Variants in LYPD6B observed in about 807,000 individuals in gnomAD.
LYPD6B encodes the protein LY6/PLAUR domain containing 6B, also known as ly6/PLAUR domain-containing protein 6B.
Under a neutral mutation model 22.8 loss-of-function variants are expected in LYPD6B, and 17 were observed. The observed-to-expected ratio is 0.75, with a 90% CI of 0.51 to 1.12. The LOEUF is 1.12. Among genes scored for constraint, LYPD6B ranks in the 50% most tolerant of loss-of-function variants. The pLI, the probability that LYPD6B is intolerant of heterozygous loss-of-function variation, is 0.00. For synonymous variants in LYPD6B, 106 were observed against 91.6 expected (o/e 1.16, Z -0.90); for missense variants, 221 against 258.3 (o/e 0.86, Z 0.99).
chr2:149,183,352 G>A (rs1303863815), intron 3 of LYPD6B, among the ~76,000 whole-genome samples: 1 of 152,168 alleles, frequency 6.6e-6, no homozygotes, highest in African/African-American at 2.4e-5. Context: ...GCAAACCTAA[G>A]CACTTGTCTG....
intron 1 of LYPD6B, among the ~76,000 whole-genome samples, chr2:149,091,273 C>G (rs1284520668): frequency 1.3e-5 from 2 of 151,074 alleles, no homozygotes; most frequent in African/African-American, 4.9e-5. Context: ...TTACTTTTGT[C>G]TTTATTTTAA....
chr2:149,117,362 C>T (rs973729163), intron 1 of LYPD6B, among the ~76,000 whole-genome samples: 1 of 151,736 alleles, frequency 6.6e-6, no homozygotes, highest in African/African-American at 2.4e-5. Flanking sequence ...TCTCTGCCTC[C>T]CGGGTTCAAG....
intron 1 of LYPD6B, among the ~76,000 whole-genome samples, chr2:149,126,685 C>A (rs1687716850): frequency 6.6e-6 from 1 of 152,100 alleles, no homozygotes. Context: ...CAAGGGTCAA[C>A]CATGCTTTTG....
intron 1 of LYPD6B, among the ~76,000 whole-genome samples, chr2:149,075,644 A>G (rs1307273198): frequency 6.6e-6 from 1 of 152,176 alleles, no homozygotes; most frequent in East Asian, 1.9e-4. Context: ...AGAACCTATA[A>G]CTAATGTGCA....
intron 1 of LYPD6B, among the ~76,000 whole-genome samples, chr2:149,059,201 G>T (rs569503398): frequency 6.6e-6 from 1 of 152,156 alleles, no homozygotes; most frequent in East Asian, 1.9e-4. Context: ...AAGTCTTTTC[G>T]ACCCCATATC....
intron 1 of LYPD6B, among the ~76,000 whole-genome samples, chr2:149,054,477 C>T (rs72867514): frequency 0.3 from 45,828 of 151,946 alleles, 7,886 homozygotes; most frequent in Non-Finnish European, 0.38. Flanking sequence ...CTTGTTTTTA[C>T]GTATTCTGGA....
At chr2:149,202,391 CA>C (rs1559075341) in intron 3 of LYPD6B, among the ~76,000 whole-genome samples, 1 of 152,148 alleles carries the variant, frequency 6.6e-6, no homozygotes. Flanking sequence ...CCCCATGAGG[CA>C]AGCTTCTTCC....
At chr2:149,197,890 T>G (rs984234074) in intron 3 of LYPD6B, among the ~76,000 whole-genome samples, 1 of 152,166 alleles carries the variant, frequency 6.6e-6, no homozygotes, top group Non-Finnish European at 1.5e-5. Context: ...AAAAATTATT[T>G]CACCTGTGTG....
intron 1 of LYPD6B, among the ~76,000 whole-genome samples, chr2:149,105,907 G>A (rs987527923): frequency 2.0e-5 from 3 of 152,000 alleles, no homozygotes; most frequent in Non-Finnish European, 4.4e-5. Context: ...CTATTAAATA[G>A]TATATTAACT....
chr2:149,145,360 A>C (rs1360497867), intron 2 of LYPD6B, among the ~76,000 whole-genome samples: 1 of 152,214 alleles, frequency 6.6e-6, no homozygotes, highest in African/African-American at 2.4e-5. Flanking sequence ...ATTTGCCTGG[A>C]TGCTCAAGAG....
intron 3 of LYPD6B, among the ~76,000 whole-genome samples, chr2:149,169,651 C>A (rs996297399): frequency 6.6e-6 from 1 of 152,206 alleles, no homozygotes; most frequent in Non-Finnish European, 1.5e-5. Flanking sequence ...CCATTTTTCA[C>A]CTATCAGTCG....
At chr2:149,124,966 C>T (rs917187529) in intron 1 of LYPD6B, among the ~76,000 whole-genome samples, 4 of 152,136 alleles carry the variant, frequency 2.6e-5, no homozygotes, top group African/African-American at 4.8e-5. Context: ...GCTCAGCAAC[C>T]AGGTTACAAA....
chr2:149,207,681 A>T (rs1225665578), intron 4 of LYPD6B, among the ~76,000 whole-genome samples: 2 of 152,134 alleles, frequency 1.3e-5, no homozygotes, highest in Non-Finnish European at 2.9e-5. Context: ...TAATGTTGTG[A>T]TAATTGACAT....
At chr2:149,116,760 A>C (rs537322750) in intron 1 of LYPD6B, among the ~76,000 whole-genome samples, 7 of 152,318 alleles carry the variant, frequency 4.6e-5, no homozygotes, top group African/African-American at 1.7e-4. Flanking sequence ...AGGAAGAGAA[A>C]TTGGATGAGA....
intron 3 of LYPD6B, among the ~76,000 whole-genome samples, chr2:149,179,435 T>C (rs958806220): frequency 3.9e-5 from 6 of 152,206 alleles, no homozygotes; most frequent in African/African-American, 1.2e-4. Flanking sequence ...GTGTGACTTA[T>C]TTTAAGGAGA....
chr2:149,133,328 C>T (rs1688147156), intron 2 of LYPD6B, among the ~76,000 whole-genome samples: 1 of 152,114 alleles, frequency 6.6e-6, no homozygotes, highest in African/African-American at 2.4e-5. Context: ...TACTAAGACC[C>T]AGTGGTTATC....
intron 1 of LYPD6B, among the ~76,000 whole-genome samples, chr2:149,122,068 A>C (rs1687391164): frequency 1.3e-5 from 2 of 152,230 alleles, no homozygotes; most frequent in African/African-American, 4.8e-5. Flanking sequence ...TAGCAGCACT[A>C]GGGACCCATT....
chr2:149,134,050 G>A (rs1273550501), intron 2 of LYPD6B, among the ~76,000 whole-genome samples: 1 of 152,152 alleles, frequency 6.6e-6, no homozygotes, highest in Non-Finnish European at 1.5e-5. Context: ...AAGCAAGCCA[G>A]CAGGGAAGGG....
chr2:149,130,431 G>A (rs979123171), intron 1 of LYPD6B, among the ~76,000 whole-genome samples: 3 of 152,130 alleles, frequency 2.0e-5, no homozygotes, highest in African/African-American at 7.2e-5. Flanking sequence ...TCCAGGAGGG[G>A]CAAAAGCTAG....
Sources: gnomAD v4.1 joint callset for allele counts (sites outside exome capture counted in the v4.1 genomes callset) on GRCh38, gnomAD v4.1.1 for gene constraint, MANE v1.5 for transcripts, NCBI Gene and HGNC (gene_info 2026-07-23, HGNC 2026-07-21) for gene names.